Variants in ATF7 observed in about 807,000 individuals in gnomAD.
The protein encoded by ATF7 is cyclic AMP-dependent transcription factor ATF-7.
ATF7 carries 10 observed loss-of-function variants against 50.4 expected under a neutral mutation model. That is an observed-to-expected ratio of 0.20 (90% CI 0.12 to 0.34). The LOEUF is 0.34. Among genes scored for constraint, ATF7 ranks in the 10% least tolerant of loss-of-function variants. The pLI, the probability that ATF7 is intolerant of heterozygous loss-of-function variation, is 1.00. For synonymous variants in ATF7, 201 were observed against 226.4 expected, an observed-to-expected ratio of 0.89 and a Z score of 1.01; for missense variants, 465 against 613.9, an observed-to-expected ratio of 0.76 and a Z score of 2.56.
At chr12:53,535,500 G>A (rs1416022779) in intron 5 of ATF7, among the ~76,000 whole-genome samples, 1 of 152,074 alleles carries the variant, frequency 6.6e-6, no homozygotes, top group Non-Finnish European at 1.5e-5. Flanking sequence ...TAGATTGAAA[G>A]AAGGAGGAAG....
intron 2 of ATF7, among the ~76,000 whole-genome samples, chr12:53,593,390 T>A (rs1379701920): frequency 6.6e-6 from 1 of 151,832 alleles, no homozygotes; most frequent in Non-Finnish European, 1.5e-5. Flanking sequence ...CAAGACCCTA[T>A]CTCTAAAAAA....
At chr12:53,511,995 C>T (rs1249991159), downstream of ATF7, 2 of 152,210 alleles carry the variant, frequency 1.3e-5, no homozygotes, top group African/African-American at 4.8e-5. Flanking sequence ...AGGCCAGTGA[C>T]CTCCCAGAAA....
chr12:53,605,114 C>A (rs1430599017), intron 1 of ATF7, among the ~76,000 whole-genome samples: 1 of 152,162 alleles, frequency 6.6e-6, no homozygotes, highest in African/African-American at 2.4e-5. Context: ...AGGAGCCAGG[C>A]ACGGTGGTTC....
At chr12:53,517,645 T>TAA in intron 11 of ATF7, 1 of 414,828 alleles carries the variant, frequency 2.4e-6, no homozygotes, top group Non-Finnish European at 4.4e-6. Flanking sequence ...GCATAGTTCA[T>TAA]TACCAACTCT....
intron 1 of ATF7, among the ~76,000 whole-genome samples, chr12:53,613,527 T>G (rs1331029952): frequency 1.3e-5 from 2 of 152,080 alleles, no homozygotes; most frequent in African/African-American, 2.4e-5. Flanking sequence ...ATTATTTTAT[T>G]TTATTTTTTC....
intron 2 of ATF7, among the ~76,000 whole-genome samples, chr12:53,564,925 G>C (rs1343726000): frequency 6.6e-6 from 1 of 150,782 alleles, no homozygotes; most frequent in Non-Finnish European, 1.5e-5. Flanking sequence ...GTTGGCGTTA[G>C]TATATTTTTA....
chr12:53,562,306 C>T (rs143053006), intron 2 of ATF7, among the ~76,000 whole-genome samples: 2 of 152,314 alleles, frequency 1.3e-5, no homozygotes, highest in East Asian at 3.9e-4. Flanking sequence ...ACTAGCACGT[C>T]TCACTAAAGT....
chr12:53,531,587 G>A (rs4759015), intron 9 of ATF7, among the ~76,000 whole-genome samples, 157 bp downstream of exon 9: 16,394 of 152,194 alleles, frequency 0.11, 1,058 homozygotes, highest in Admixed American at 0.19. Flanking sequence ...AGAATGGTAC[G>A]TTTTGCTATA....
At chr12:53,537,282 T>G in intron 5 of ATF7, 133 bp downstream of exon 5, 1 of 1,137,188 alleles carries the variant, frequency 8.8e-7, no homozygotes, top group Non-Finnish European at 1.2e-6. Flanking sequence ...TTGCCCAGGC[T>G]GGTCTTGAAT....
intron 2 of ATF7, among the ~76,000 whole-genome samples, chr12:53,568,327 C>T (rs774107547): frequency 6.6e-5 from 10 of 151,342 alleles, no homozygotes; most frequent in African/African-American, 2.2e-4. Context: ...AACCAATGAG[C>T]GTGCTCACAT....
intron 1 of ATF7, among the ~76,000 whole-genome samples, chr12:53,601,813 G>A (rs1360494718): frequency 1.3e-5 from 2 of 152,232 alleles, no homozygotes; most frequent in Non-Finnish European, 2.9e-5. Flanking sequence ...GCCAACAGAT[G>A]TGTGCTGCTG....
In ATF7 at chr12:53,524,845, G is replaced by T; in HGVS notation, c.928-84C>A. ...CACCTGATGTTAGGTAGAGTAGTAA[G>T]ATCTGGTAAAAGGATATACCAGCCT... On this transcript the variant is annotated intron_variant, in intron 9 of 11. Coordinates refer to ENST00000420353, the MANE Select transcript of ATF7 (RefSeq NM_006856.3). The surrounding 1 kb of genome is among the most constrained non-coding windows in gnomAD (Gnocchi z 4.6). The T allele has an allele frequency of 7.9e-7, 1 of 1,260,312 alleles. No individual in the cohort carries two copies. Among genetic ancestry groups the T allele is most frequent in the Non-Finnish European group, 1.1e-6 (1 of 934,386 alleles). 78.1% of individuals were successfully genotyped at this position (1,260,312 alleles called of 1,614,324 possible). A position where few individuals can be genotyped will look rare whatever the true frequency, so the allele number is the denominator to read the frequency against.
intron 2 of ATF7, among the ~76,000 whole-genome samples, chr12:53,558,517 A>C (rs7135292): frequency 0.066 from 10,089 of 152,274 alleles, 491 homozygotes; most frequent in East Asian, 0.19. Context: ...CATTTTATAA[A>C]ATGGCTGATG....
chr12:53,623,697 C>T (rs1944492637), intron 1 of ATF7, among the ~76,000 whole-genome samples: 1 of 152,134 alleles, frequency 6.6e-6, no homozygotes, highest in African/African-American at 2.4e-5. Context: ...ACACTAACTC[C>T]CTCCCACTGT....
At chr12:53,610,033 T>TC (rs1943794188) in intron 1 of ATF7, among the ~76,000 whole-genome samples, 1 of 151,590 alleles carries the variant, frequency 6.6e-6, no homozygotes, top group African/African-American at 2.4e-5. Context: ...GCCAGGCTGG[T>TC]TTCGAACTCC....
intron 3 of ATF7, among the ~76,000 whole-genome samples, chr12:53,549,479 C>T (rs1255030165): frequency 1.3e-5 from 2 of 151,958 alleles, no homozygotes; most frequent in Admixed American, 1.3e-4. Flanking sequence ...TCTTGGCTCA[C>T]CACAACCTCC....
At chr12:53,573,505 T>C (rs1305572033) in intron 2 of ATF7, among the ~76,000 whole-genome samples, 1 of 152,314 alleles carries the variant, frequency 6.6e-6, no homozygotes, top group East Asian at 1.9e-4. Context: ...ATTTAAGTTT[T>C]GCCTTTTTGA....
chr12:53,508,412 T>C (rs1294366370), downstream of ATF7, among the ~76,000 whole-genome samples: 1 of 150,864 alleles, frequency 6.6e-6, no homozygotes, highest in Non-Finnish European at 1.5e-5. Flanking sequence ...ATACGAAAAT[T>C]AGCTGGGCGT....
Position 53,515,815 on chromosome 12 carries a change from T to C in ATF7, c.*1322A>G, listed in dbSNP as rs556934624. On this transcript the variant is annotated 3_prime_UTR_variant, in exon 12 of 12. Transcript: ENST00000420353. ...CGCTTCAAGATCCTGGAGCACTGCA[T>C]GTAAAGAGAAGAGAGAAGAAATGGG... 6.6e-6 allele frequency: 1 copy of C among 152,294 alleles called. No homozygotes were observed. The highest frequency in any genetic ancestry group is 6.5e-5 in the Admixed American group (1 of 15,294). 9.4% of individuals were successfully genotyped at this position (152,294 alleles called of 1,614,324 possible). A position where few individuals can be genotyped will look rare whatever the true frequency, so the allele number is the denominator to read the frequency against.
Sources: allele counts gnomAD v4.1 joint callset (sites outside exome capture counted in the v4.1 genomes callset), GRCh38; gene constraint gnomAD v4.1.1; non-coding constraint Gnocchi (gnomAD v3.1); transcripts MANE v1.5; gene names NCBI Gene and HGNC (gene_info 2026-07-23, HGNC 2026-07-21).